Variants in JHY observed in about 807,000 individuals in gnomAD.
The protein encoded by JHY is junctional cadherin complex regulator.
JHY carries 69 observed loss-of-function variants against 78.0 expected under a neutral mutation model. That is an observed-to-expected ratio of 0.88 (90% CI 0.73 to 1.08). JHY has a LOEUF of 1.08. JHY is among the 50% of genes least tolerant of loss of function. The pLI is 0.00. For missense variants in JHY, 944 were observed against 927.8 expected, an observed-to-expected ratio of 1.02 and a Z score of -0.23; for synonymous variants, 368 against 342.6, an observed-to-expected ratio of 1.07 and a Z score of -0.82.
rs1431769886 is a variant in JHY, at chr11:122,959,414, T to C, written c.2306T>C (p.Val769Ala). The change falls in exon 9 of 9, where the codon GTG becomes GCG. Residue 769 changes from valine (V) to alanine (A), a missense_variant. By Grantham distance (64) the Val-to-Ala change is moderately conservative (BLOSUM62 0). Transcript: ENST00000227349. Reference sequence around the variant, plus strand: ...AGACACGAAAGGGAAAAACAGGCTGTGGCTGCTTTCAAAGTCCTTCACATC... The same window carrying C: ...AGACACGAAAGGGAAAAACAGGCTGCGGCTGCTTTCAAAGTCCTTCACATC... ...QNRHEREKQA[V>A]AAFKVLHIV 1 of 1,614,094 alleles carries C rather than the reference T, an allele frequency of 6.2e-7. No individual in the cohort carries two copies. The highest frequency in any genetic ancestry group is 2.2e-5 in the East Asian group (1 of 44,864).
chr11:122,923,613 C>T (rs1370814340), intron 3 of JHY, among the ~76,000 whole-genome samples: 1 of 152,228 alleles, frequency 6.6e-6, no homozygotes, highest in East Asian at 1.9e-4. Context: ...CCTTAAATAA[C>T]TTAGGAACCT....
intron 6 of JHY, among the ~76,000 whole-genome samples, chr11:122,952,122 T>C (rs1034289214): frequency 1.3e-5 from 2 of 151,958 alleles, no homozygotes; most frequent in African/African-American, 4.8e-5. Flanking sequence ...GAAAGTAGAT[T>C]AGTGGTTGCC....
intron 3 of JHY, chr11:122,905,120 C>T: frequency 7.7e-7 from 1 of 1,301,550 alleles, no homozygotes; most frequent in South Asian, 1.2e-5. Context: ...AAACATTAGT[C>T]TCTTTATTTG....
rs370526837 is a variant in JHY at position 122,956,579 on chromosome 11, G to A, written c.2010+3G>A. On this transcript the variant is annotated splice_donor_region_variant and intron_variant, in intron 7 of 8. Transcript: ENST00000227349. ...ACTTTGAGTCCATCAGAGACAAAGTGAGTGAGATGCACATACAGTGTTTCC... is the reference window on the plus strand; with the variant it reads ...ACTTTGAGTCCATCAGAGACAAAGTAAGTGAGATGCACATACAGTGTTTCC... The A allele has an allele frequency of 6.2e-7, 1 of 1,612,388 alleles. No homozygotes were observed. The highest frequency in any genetic ancestry group is 8.5e-7 in the Non-Finnish European group (1 of 1,178,858).
chr11:122,891,446 C>A (rs886262297), intron 2 of JHY, among the ~76,000 whole-genome samples: 11 of 152,086 alleles, frequency 7.2e-5, no homozygotes, highest in Middle Eastern at 6.8e-3. Flanking sequence ...ACGTGATAAT[C>A]CTTAAACCCC....
At chr11:122,927,604 T>A (rs1056424495) in intron 4 of JHY, among the ~76,000 whole-genome samples, 13 of 152,166 alleles carry the variant, frequency 8.5e-5, no homozygotes, top group Non-Finnish European at 2.9e-5. Context: ...TCCCAGCCTC[T>A]CCCACCCTGC....
intron 2 of JHY, among the ~76,000 whole-genome samples, chr11:122,889,558 C>T (rs1227813812): frequency 1.3e-5 from 2 of 152,032 alleles, no homozygotes; most frequent in Admixed American, 1.3e-4. Flanking sequence ...AAATATTACC[C>T]CAATTTATAA....
chr11:122,943,893 A>G (rs1254559717), intron 5 of JHY, among the ~76,000 whole-genome samples: 1 of 152,028 alleles, frequency 6.6e-6, no homozygotes, highest in African/African-American at 2.4e-5. Context: ...TCATTCTTAA[A>G]CTCACTTTTA....
chr11:122,908,291 C>A (rs1260854207), intron 3 of JHY, among the ~76,000 whole-genome samples: 1 of 152,158 alleles, frequency 6.6e-6, no homozygotes, highest in East Asian at 1.9e-4. Context: ...GGGTGGGACC[C>A]AGGGATCTGA....
rs1864322491 is a variant in JHY at position 122,961,809 on chromosome 11, A to G, written c.*2364A>G. On this transcript the variant is annotated 3_prime_UTR_variant, in exon 9 of 9. Coordinates refer to ENST00000227349, the MANE Select transcript of JHY (RefSeq NM_024806.4). ...CAAATAAATAAAGAATAAAGTTGAA[A>G]AAAAATGAAGGTACATCTGGCTGTG... is the stretch of plus-strand genomic sequence containing the variant. Among the ~76,000 whole-genome samples, 1 of 152,260 alleles carries G rather than the reference A, an allele frequency of 6.6e-6. No individual in the cohort carries two copies. The highest frequency in any genetic ancestry group is 1.5e-5 in the Non-Finnish European group (1 of 68,040).
intron 2 of JHY, 24 bp from the exon 3 acceptor site, chr11:122,903,901 G>C: frequency 1.3e-6 from 2 of 1,535,332 alleles, no homozygotes; most frequent in Non-Finnish European, 1.8e-6. Flanking sequence ...TAAGGACTTG[G>C]CATTTCTCTT....
At chr11:122,930,002 A>T (rs1420413112) in intron 4 of JHY, among the ~76,000 whole-genome samples, 1 of 152,210 alleles carries the variant, frequency 6.6e-6, no homozygotes, top group Non-Finnish European at 1.5e-5. Flanking sequence ...AGAGGTCAGC[A>T]TGAGAGATGG....
At chr11:122,889,657 A>G (rs1862568396) in intron 2 of JHY, among the ~76,000 whole-genome samples, 1 of 152,138 alleles carries the variant, frequency 6.6e-6, no homozygotes, top group African/African-American at 2.4e-5. Flanking sequence ...TTATACTTAT[A>G]TGTTCATAAT....
At chr11:122,939,376 TGA>T (rs1441311601) in intron 5 of JHY, among the ~76,000 whole-genome samples, 15 of 152,308 alleles carry the variant, frequency 9.8e-5, no homozygotes, top group African/African-American at 3.4e-4. Context: ...TTACAGCTCA[TGA>T]GCCTTACAGG....
intron 5 of JHY, among the ~76,000 whole-genome samples, chr11:122,944,656 C>T (rs1406117512): frequency 6.6e-6 from 1 of 152,098 alleles, no homozygotes; most frequent in Admixed American, 6.5e-5. Context: ...AATGTCTCTG[C>T]CTCACATCCT....
chr11:122,959,349 A>G lies in JHY; in HGVS notation c.2241A>G (p.Glu747=). ...ATCCAACCTATGCTGGGAAAGAAGA[A>G]AGTTTACCTGAAATCTCACTGCTGG... ...QKNPTYAGKE[E]SLPEISLLEI... The change falls in exon 9 of 9, where the codon GAA becomes GAG. Residue 747 remains glutamate (E), a synonymous_variant. Transcript: ENST00000227349. The G allele has an allele frequency of 6.2e-7, 1 of 1,614,190 alleles. No individual in the cohort carries two copies. Among genetic ancestry groups the G allele is most frequent in the Non-Finnish European group, 8.5e-7 (1 of 1,180,024 alleles).
intron 6 of JHY, among the ~76,000 whole-genome samples, chr11:122,948,531 CCCT>C (rs1864015351): frequency 6.6e-6 from 1 of 151,052 alleles, no homozygotes; most frequent in Non-Finnish European, 1.5e-5. Context: ...GAGCTATGAC[CCCT>C]CCTCAGAGGA....
intron 3 of JHY, chr11:122,905,020 G>GTT: frequency 4.0e-5 from 25 of 626,380 alleles, no homozygotes; most frequent in Middle Eastern, 4.5e-4. Flanking sequence ...CATAAGGTGG[G>GTT]TTTTTTTTTT....
At chr11:122,887,232 T>C (rs1278727263) in intron 2 of JHY, among the ~76,000 whole-genome samples, 2 of 152,194 alleles carry the variant, frequency 1.3e-5, no homozygotes, top group African/African-American at 4.8e-5. Context: ...GGGATAATAA[T>C]AATAGTTAAC....
Sources: allele counts gnomAD v4.1 joint callset (sites outside exome capture counted in the v4.1 genomes callset), GRCh38; gene constraint gnomAD v4.1.1; transcripts MANE v1.5; gene names NCBI Gene and HGNC (gene_info 2026-07-23, HGNC 2026-07-21).